The following OPCML variants were observed in gnomAD, a reference collection of about 807,000 sequenced individuals.
OPCML encodes opioid-binding protein/cell adhesion molecule.
Under a neutral mutation model 37.8 loss-of-function variants are expected in OPCML, and 13 were observed. The observed-to-expected ratio is 0.34, with a 90% CI of 0.22 to 0.55. The LOEUF (loss-of-function observed/expected upper bound fraction) is 0.55. OPCML is among the 20% of genes least tolerant of loss of function. The pLI is 0.91. For synonymous variants in OPCML, 176 were observed against 168.8 expected, an observed-to-expected ratio of 1.04 and a Z score of -0.33; for missense variants, 341 against 435.6, an observed-to-expected ratio of 0.78 and a Z score of 1.93.
At chr11:133,390,557 G>C (rs1182683927) in intron 1 of OPCML, among the ~76,000 whole-genome samples, 2 of 152,182 alleles carry the variant, frequency 1.3e-5, no homozygotes, top group Non-Finnish European at 2.9e-5. Flanking sequence ...ACTGAAATGA[G>C]AAAGGTCTTG....
At chr11:133,508,183 G>A (rs1948076876) in intron 1 of OPCML, among the ~76,000 whole-genome samples, 1 of 152,102 alleles carries the variant, frequency 6.6e-6, no homozygotes, top group Non-Finnish European at 1.5e-5. Context: ...CCATTGCTCT[G>A]GGAGGTAGCA....
At chr11:133,433,551 C>T (rs1379694233) in intron 1 of OPCML, among the ~76,000 whole-genome samples, 1 of 152,102 alleles carries the variant, frequency 6.6e-6, no homozygotes, top group Non-Finnish European at 1.5e-5. Context: ...TGAGGATTTG[C>T]CTTGTTTTTA....
At chr11:133,463,119 C>CAAA (rs558107695) in intron 1 of OPCML, among the ~76,000 whole-genome samples, 997 of 49,850 alleles carry the variant, frequency 0.02, 11 homozygotes, top group Non-Finnish European at 0.025. Context: ...ACATCAGGCT[C>CAAA]AAAAAAAAAA....
At chr11:132,550,676 G>A (rs2096379537) in intron 3 of OPCML, among the ~76,000 whole-genome samples, 1 of 152,182 alleles carries the variant, frequency 6.6e-6, no homozygotes, top group Non-Finnish European at 1.5e-5. Flanking sequence ...CTGTTAGCAG[G>A]GAATCTATCT....
intron 1 of OPCML, among the ~76,000 whole-genome samples, chr11:133,215,217 TGAGA>T (rs139928448): frequency 1.3e-5 from 2 of 150,808 alleles, no homozygotes; most frequent in Non-Finnish European, 1.5e-5. Flanking sequence ...TGTGTGTGTG[TGAGA>T]GAGAGAGAGA....
At chr11:132,711,950 G>C (rs1293643734) in intron 2 of OPCML, among the ~76,000 whole-genome samples, 1 of 152,140 alleles carries the variant, frequency 6.6e-6, no homozygotes, top group Non-Finnish European at 1.5e-5. Flanking sequence ...AGAAACAACA[G>C]TTTGCCTCAT....
chr11:133,251,885 G>A (rs1435865270), intron 1 of OPCML, among the ~76,000 whole-genome samples: 5 of 152,148 alleles, frequency 3.3e-5, no homozygotes, highest in Admixed American at 6.5e-5. Flanking sequence ...AAAAGGCTAA[G>A]ATATTTCAGG....
At chr11:132,636,680 T>G (rs1940521223) in intron 3 of OPCML, among the ~76,000 whole-genome samples, 1 of 152,228 alleles carries the variant, frequency 6.6e-6, no homozygotes, top group African/African-American at 2.4e-5. Context: ...TCTTGACACT[T>G]CATTCAACCC....
At position 132,437,260 on chromosome 11, in the gene OPCML, G is replaced by A; in HGVS notation, c.605C>T (p.Ala202Val). 1 of 1,614,214 alleles carries A rather than the reference G, an allele frequency of 6.2e-7. No individual in the cohort carries two copies. Among genetic ancestry groups the A allele is most frequent in the Non-Finnish European group, 8.5e-7 (1 of 1,180,024 alleles). ...TTTTACTTTCCGCACATCGGGCGCA[G>A]CGACATCGTTCAACGCGCTGCATTC... is the stretch of plus-strand genomic sequence containing the variant. Reference protein sequence around the residue: ...EYECSALNDVAAPDVRKVKIT... With the variant: ...EYECSALNDVVAPDVRKVKIT... The change falls in exon 5 of 8, where the codon GCT becomes GTT. Residue 202 changes from alanine (A) to valine (V), a missense_variant. Transcript: ENST00000524381.
At chr11:132,876,315 T>C (rs1943010525) in intron 2 of OPCML, among the ~76,000 whole-genome samples, 1 of 152,178 alleles carries the variant, frequency 6.6e-6, no homozygotes, top group African/African-American at 2.4e-5. Context: ...ATGCACAACC[T>C]CTGAAGTATC....
At chr11:133,176,285 A>C (rs187147497) in intron 1 of OPCML, among the ~76,000 whole-genome samples, 1 of 151,366 alleles carries the variant, frequency 6.6e-6, no homozygotes, top group Admixed American at 6.6e-5. Context: ...ATGCTCCATG[A>C]GGTAATGAGG....
At chr11:133,438,913 G>A (rs1334686252) in intron 1 of OPCML, among the ~76,000 whole-genome samples, 2 of 152,164 alleles carry the variant, frequency 1.3e-5, no homozygotes, top group African/African-American at 4.8e-5. Context: ...CAAGGGGCTG[G>A]GAGGGGTGAA....
intron 1 of OPCML, among the ~76,000 whole-genome samples, chr11:133,070,552 C>T (rs1948513936): frequency 6.6e-6 from 1 of 152,174 alleles, no homozygotes; most frequent in Non-Finnish European, 1.5e-5. Context: ...CAAGCCCTCA[C>T]TCCCTACTTT....
At chr11:132,717,425 C>T (rs1944532287) in intron 2 of OPCML, among the ~76,000 whole-genome samples, 1 of 151,966 alleles carries the variant, frequency 6.6e-6, no homozygotes, top group Non-Finnish European at 1.5e-5. Flanking sequence ...AAAATGTCCA[C>T]AGAAGAAAGA....
chr11:133,135,440 GTT>G (rs11291782), intron 1 of OPCML, among the ~76,000 whole-genome samples: 1,557 of 131,222 alleles, frequency 0.012, 7 homozygotes, highest in African/African-American at 0.023. Context: ...CCCTCCATAG[GTT>G]TTTTTTTTTT....
chr11:133,190,290 G>T (rs1163343593), intron 1 of OPCML, among the ~76,000 whole-genome samples: 1 of 152,180 alleles, frequency 6.6e-6, no homozygotes, highest in Non-Finnish European at 1.5e-5. Flanking sequence ...TATAATTGTA[G>T]CCTTTTCCAG....
At chr11:133,271,080 G>T (rs1941814852) in intron 1 of OPCML, among the ~76,000 whole-genome samples, 1 of 152,184 alleles carries the variant, frequency 6.6e-6, no homozygotes, top group Non-Finnish European at 1.5e-5. Context: ...AGACTTTGTG[G>T]CCAGGAATGC....
Position 132,588,430 on chromosome 11 carries a change from A to G in OPCML, c.380-59244T>C, listed in dbSNP as rs182985198. On this transcript the variant is annotated intron_variant, in intron 3 of 7. Transcript: ENST00000524381. ...AGTGGAAGAAAAATAAAAATGATCA[A>G]TCATAGCCTTGTATTACTACAGCAA... Among the ~76,000 whole-genome samples the G allele has an allele frequency of 2.6e-5, 4 of 152,246 alleles. No homozygotes were observed. In the East Asian group the frequency reaches 7.7e-4, roughly 29 times the overall value.
At chr11:132,923,579 G>A (rs1383865291) in intron 2 of OPCML, among the ~76,000 whole-genome samples, 1 of 151,970 alleles carries the variant, frequency 6.6e-6, no homozygotes. Context: ...ACAAATAAAA[G>A]TTGCTTATGT....
Sources: gnomAD v4.1 joint callset for allele counts (sites outside exome capture counted in the v4.1 genomes callset) on GRCh38, gnomAD v4.1.1 for gene constraint, MANE v1.5 for transcripts, NCBI Gene and HGNC (gene_info 2026-07-23, HGNC 2026-07-21) for gene names.